The following PLEKHB2 variants were observed in gnomAD, a reference collection of about 807,000 sequenced individuals.
PLEKHB2 encodes the protein pleckstrin homology domain containing B2.
In PLEKHB2, 31 loss-of-function variants were observed where a neutral mutation model predicts 36.5. The ratio of observed to expected loss-of-function variants is 0.85; its 90% confidence interval spans 0.64 to 1.15. PLEKHB2 has a LOEUF of 1.15. PLEKHB2 is among the 50% of genes most tolerant of loss of function. PLEKHB2 has a pLI of 0.00. For missense variants in PLEKHB2, 262 were observed against 295.3 expected (o/e 0.89, Z 0.83); for synonymous variants, 119 against 112.0 (o/e 1.06, Z -0.39).
intron 2 of PLEKHB2, 113 bp downstream of exon 2, chr2:131,121,091 T>G: frequency 1.1e-6 from 1 of 940,428 alleles, no homozygotes; most frequent in Non-Finnish European, 1.6e-6. Context: ...ATGAGTGCTA[T>G]GGCCTTGAGT....
chr2:131,107,543 C>T (rs986357795), intron 1 of PLEKHB2: 3 of 152,252 alleles, frequency 2.0e-5, no homozygotes, highest in African/African-American at 7.2e-5. Context: ...CATAAGGAAG[C>T]CACTTTTATA....
rs1167164691 is a variant in PLEKHB2 at position 131,148,040 on chromosome 2, A to G, written c.*1267A>G. The G allele has an allele frequency of 1.3e-5, 2 of 152,226 alleles. No homozygotes were observed. The highest frequency in any genetic ancestry group is 4.8e-5 in the African/African-American group (2 of 41,406). The allele number at this position is 152,226 out of a possible 1,614,324, so 9.4% of individuals were successfully genotyped here. A position where few individuals can be genotyped will look rare whatever the true frequency, so the allele number is the denominator to read the frequency against. The stretch of plus-strand genomic sequence containing the variant: ...TGCACTGTGCGGGAGATGCTCTCTC[A>G]TCACTCTGAAGGCCCATCCTGTGCA... On this transcript the variant is annotated 3_prime_UTR_variant, in exon 8 of 8. Coordinates refer to ENST00000693505, the MANE Select transcript of PLEKHB2 (RefSeq NM_001100623.2).
intron 1 of PLEKHB2, among the ~76,000 whole-genome samples, chr2:131,116,511 T>TGTGAGG (rs1331387069): frequency 5.9e-5 from 9 of 152,170 alleles, no homozygotes; most frequent in African/African-American, 2.2e-4. Context: ...AAGCTTACAA[T>TGTGAGG]CATGGCAGAA....
At chr2:131,115,757 T>G (rs899749071) in intron 1 of PLEKHB2, among the ~76,000 whole-genome samples, 1 of 152,224 alleles carries the variant, frequency 6.6e-6, no homozygotes, top group Non-Finnish European at 1.5e-5. Flanking sequence ...TAGACTGTAA[T>G]TTTTACTTTG....
In PLEKHB2 at chr2:131,140,390, T is replaced by G. The variant is rs1340428021; in HGVS notation, c.532+115T>G. 6 of 611,898 alleles carry G rather than the reference T, an allele frequency of 9.8e-6. No individual in the cohort carries two copies. In the East Asian group the frequency reaches 1.7e-4, roughly 17 times the overall value. 37.9% of individuals were successfully genotyped at this position (611,898 alleles called of 1,614,324 possible). A position where few individuals can be genotyped will look rare whatever the true frequency, so the allele number is the denominator to read the frequency against. On this transcript the variant is annotated intron_variant, in intron 7 of 7. Coordinates refer to ENST00000693505, the MANE Select transcript of PLEKHB2 (RefSeq NM_001100623.2). The stretch of plus-strand genomic sequence containing the variant: ...GGTTACATGAGCTATATTTTCTGGT[T>G]GTAGACTACAAATCACTCTGTTACT...
At chr2:131,125,995 C>A in intron 3 of PLEKHB2, 90 bp downstream of exon 3, 2 of 1,292,114 alleles carry the variant, frequency 1.5e-6, no homozygotes, top group Non-Finnish European at 2.2e-6. Flanking sequence ...GTTCTGCTTT[C>A]ATTAACAGAT....
At position 131,118,189 on chromosome 2, in the gene PLEKHB2, T is replaced by TG. The variant is rs201110610; in HGVS notation, c.-8-2744dup. 8.5e-3 allele frequency among the ~76,000 whole-genome samples: 1,289 copies of TG among 152,292 alleles called. 19 individuals carry two copies. Among genetic ancestry groups the TG allele is most frequent in the African/African-American group, 0.03 (1,231 of 41,552 alleles). On this transcript the variant is annotated intron_variant, in intron 1 of 7. Coordinates refer to ENST00000693505, the MANE Select transcript of PLEKHB2 (RefSeq NM_001100623.2). ...TGGCTGCCAGCACAGTGAGCAGCAG[T>TG]GTGCTTCCCTGTTAACATCATCTTA...
At chr2:131,115,980 T>A (rs540610698) in intron 1 of PLEKHB2, among the ~76,000 whole-genome samples, 2 of 152,140 alleles carry the variant, frequency 1.3e-5, no homozygotes, top group African/African-American at 4.8e-5. Context: ...GGGAGGTACA[T>A]GAGATTGTTC....
intron 7 of PLEKHB2, among the ~76,000 whole-genome samples, chr2:131,144,062 G>A (rs962928289): frequency 1.3e-5 from 2 of 152,152 alleles, no homozygotes; most frequent in Non-Finnish European, 2.9e-5. Flanking sequence ...GCTGTGGAAG[G>A]GTCAAATGGG....
At position 131,147,142 on chromosome 2, in the gene PLEKHB2, G is replaced by A. The variant is rs564687124; in HGVS notation, c.*369G>A. The A allele has an allele frequency of 3.0e-4, 47 of 157,910 alleles. No homozygotes were observed. The South Asian group carries it at 8.0e-3, about 27-fold the overall frequency. 9.8% of individuals were successfully genotyped at this position (157,910 alleles called of 1,614,324 possible). ...TAATATAGTGTTGTATGCCTATTGA[G>A]TGATTGTGGCAAGAAAAGCTACAGC... is the stretch of plus-strand genomic sequence containing the variant. On this transcript the variant is annotated 3_prime_UTR_variant, in exon 8 of 8. Transcript: ENST00000693505.
intron 7 of PLEKHB2, 23 bp downstream of exon 7, chr2:131,140,298 T>C: frequency 7.9e-7 from 1 of 1,259,954 alleles, no homozygotes; most frequent in Non-Finnish European, 1.2e-6. Flanking sequence ...GGCCTTTCAT[T>C]CCTCATTTCT....
At chr2:131,109,896 T>C (rs912741403) in intron 1 of PLEKHB2, among the ~76,000 whole-genome samples, 3 of 152,062 alleles carry the variant, frequency 2.0e-5, no homozygotes, top group African/African-American at 7.2e-5. Flanking sequence ...AAGTGGATCA[T>C]GAGGTCAGGA....
chr2:131,124,180 T>A (rs778889283), intron 2 of PLEKHB2, among the ~76,000 whole-genome samples: 8 of 151,604 alleles, frequency 5.3e-5, no homozygotes, highest in Non-Finnish European at 1.0e-4. Context: ...GGTAGTCAAG[T>A]GGATGCTTGG....
Position 131,139,632 on chromosome 2 carries a change from G to A in PLEKHB2, c.424-535G>A, listed in dbSNP as rs112236590. ...GAGGTGGGTCTGCTGCATGTTTCTCGCCATGTCTTTTCATAGGTGTGTGCA... is the reference window on the plus strand; with the variant it reads ...GAGGTGGGTCTGCTGCATGTTTCTCACCATGTCTTTTCATAGGTGTGTGCA... On this transcript the variant is annotated intron_variant, in intron 6 of 7. Coordinates refer to ENST00000693505, the MANE Select transcript of PLEKHB2 (RefSeq NM_001100623.2). Among the ~76,000 whole-genome samples the A allele has an allele frequency of 1.4e-3, 210 of 152,242 alleles. 1 individual carries two copies. Among genetic ancestry groups the A allele is most frequent in the African/African-American group, 4.6e-3 (193 of 41,550 alleles).
At chr2:131,105,747 G>C (rs1055710753) in intron 1 of PLEKHB2, among the ~76,000 whole-genome samples, 1 of 151,982 alleles carries the variant, frequency 6.6e-6, no homozygotes, top group Non-Finnish European at 1.5e-5. Context: ...CTCCGGCCCC[G>C]CGGACCCTCC....
At chr2:131,144,463 CAGACTT>C in intron 7 of PLEKHB2, 1 of 1,180,478 alleles carries the variant, frequency 8.5e-7, no homozygotes, top group Non-Finnish European at 1.1e-6. Context: ...AGTCCAAGAG[CAGACTT>C]CTAGATTTGG....
intron 4 of PLEKHB2, among the ~76,000 whole-genome samples, chr2:131,130,449 T>G (rs1158527996): frequency 6.6e-6 from 1 of 152,196 alleles, no homozygotes; most frequent in Non-Finnish European, 1.5e-5. Flanking sequence ...GTGTATGCCA[T>G]GAACTGACAA....
At chr2:131,120,431 C>T (rs1408956147) in intron 1 of PLEKHB2, 1 of 158,922 alleles carries the variant, frequency 6.3e-6, no homozygotes, top group Non-Finnish European at 1.4e-5. Context: ...TTTTTCCATA[C>T]AGAAGATTTA....
intron 1 of PLEKHB2, chr2:131,108,186 C>G (rs1694929563): frequency 6.6e-6 from 1 of 152,164 alleles, no homozygotes; most frequent in Non-Finnish European, 1.5e-5. Context: ...TTTTGTCCAT[C>G]TGTTGTCTGT....
Sources: allele counts gnomAD v4.1 joint callset (sites outside exome capture counted in the v4.1 genomes callset), GRCh38; gene constraint gnomAD v4.1.1; transcripts MANE v1.5; gene names NCBI Gene and HGNC (gene_info 2026-07-23, HGNC 2026-07-21).